The following LPO variants were observed in gnomAD, a reference collection of about 807,000 sequenced individuals.
LPO encodes salivary peroxidase.
In LPO, 70 loss-of-function variants were observed where a neutral mutation model predicts 68.4. The ratio of observed to expected loss-of-function variants is 1.02; its 90% CI spans 0.84 to 1.25. The LOEUF (loss-of-function observed/expected upper bound fraction) is 1.25, where lower values mean the gene tolerates loss of function less well. LPO is among the 50% of genes most tolerant of loss of function. The pLI is 0.00. For missense variants in LPO, 873 were observed against 908.4 expected (o/e 0.96, Z 0.50); for synonymous variants, 360 against 357.6 (o/e 1.01, Z -0.08).
intron 1 of LPO, among the ~76,000 whole-genome samples, chr17:58,240,295 T>G (rs1234455997): frequency 6.6e-6 from 1 of 152,200 alleles, no homozygotes; most frequent in Non-Finnish European, 1.5e-5. Context: ...TGTCTCCAGA[T>G]AGTGCTTCAT....
intron 9 of LPO, 128 bp from the exon 10 acceptor site, chr17:58,264,594 A>G: frequency 1.2e-6 from 1 of 868,956 alleles, no homozygotes; most frequent in Non-Finnish European, 1.9e-6. Context: ...CTGGGCACAT[A>G]TGCTATCCAT....
chr17:58,249,346 C>A, intron 5 of LPO, 169 bp downstream of exon 5: 1 of 892,076 alleles, frequency 1.1e-6, no homozygotes, highest in Non-Finnish European at 1.7e-6. Flanking sequence ...AGCCCTCTCC[C>A]TCCAGCCCAC....
chr17:58,257,686 C>T lies in LPO; in HGVS notation c.1266+2715C>T, dbSNP rs920333135. Among the ~76,000 whole-genome samples, 10 of 152,304 alleles carry T rather than the reference C, an allele frequency of 6.6e-5. 1 individual carries two copies. Among genetic ancestry groups the T allele is most frequent in the African/African-American group, 1.4e-4 (6 of 41,560 alleles). ...GTGAGATTGCTGGATCATATGGCAGCTCAATTTTTAGTTTTCTGAGGAATC... is the reference window on the plus strand; with the variant it reads ...GTGAGATTGCTGGATCATATGGCAGTTCAATTTTTAGTTTTCTGAGGAATC... On this transcript the variant is annotated intron_variant, in intron 9 of 12. Coordinates refer to ENST00000262290, the MANE Select transcript of LPO (RefSeq NM_006151.3).
Position 58,268,058 on chromosome 17 carries a change from C to A in LPO, c.*64C>A. ...GGGCCATTTCAAGCAAGTTCAATGA[C>A]CTGGTCCCTTAGAGCTCCATATCCC... On this transcript the variant is annotated 3_prime_UTR_variant, in exon 13 of 13. Transcript: ENST00000262290. The A allele has an allele frequency of 6.6e-7, 1 of 1,526,500 alleles. No homozygotes were observed. 94.6% of individuals were successfully genotyped at this position (1,526,500 alleles called of 1,614,324 possible). A position where few individuals can be genotyped will look rare whatever the true frequency, so the allele number is the denominator to read the frequency against.
chr17:58,261,894 C>T (rs574894597), intron 9 of LPO, among the ~76,000 whole-genome samples: 23 of 152,168 alleles, frequency 1.5e-4, no homozygotes, highest in Non-Finnish European at 3.1e-4. Flanking sequence ...CTATTGGTGT[C>T]AGTGCTTTAT....
At chr17:58,256,976 T>C (rs913841876) in intron 9 of LPO, among the ~76,000 whole-genome samples, 4 of 149,174 alleles carry the variant, frequency 2.7e-5, no homozygotes, top group Non-Finnish European at 4.4e-5. Flanking sequence ...TGCTATCAAA[T>C]AGTAGGTCTT....
intron 1 of LPO, among the ~76,000 whole-genome samples, chr17:58,239,608 A>G (rs1322640747): frequency 2.0e-5 from 3 of 151,916 alleles, no homozygotes; most frequent in African/African-American, 7.3e-5. Context: ...GCTCTTTACA[A>G]TCATGGAAGA....
chr17:58,253,256 CT>C (rs1388422119), intron 8 of LPO, among the ~76,000 whole-genome samples: 4 of 152,018 alleles, frequency 2.6e-5, no homozygotes, highest in Admixed American at 2.6e-4. Flanking sequence ...ATTAACTGTT[CT>C]TCTATGACGT....
At chr17:58,258,715 C>A (rs1416614797) in intron 9 of LPO, among the ~76,000 whole-genome samples, 1 of 152,190 alleles carries the variant, frequency 6.6e-6, no homozygotes, top group Non-Finnish European at 1.5e-5. Flanking sequence ...TATGCATGAT[C>A]CAATTTCTTA....
At chr17:58,253,022 CA>C (rs765890765) in intron 8 of LPO, among the ~76,000 whole-genome samples, 2,433 of 31,056 alleles carry the variant, frequency 0.078, 12 homozygotes, top group East Asian at 0.18. Flanking sequence ...GACTCCATCT[CA>C]AAAAAAAAAA....
Position 58,247,630 on chromosome 17 carries a change from A to G in LPO, c.317A>G (p.Asn106Ser). The change falls in exon 4 of 13, where the codon AAT becomes AGT. Residue 106 changes from asparagine to serine, a missense_variant. Physicochemically the swap from Asn to Ser is conservative, Grantham distance 46. Coordinates refer to ENST00000262290, the MANE Select transcript of LPO (RefSeq NM_006151.3). ...KRLRQKASLT[N>S]VTDPSLDLTS... Reference sequence around the variant, plus strand: ...CTGAGGCAGAAGGCATCCTTGACCAATGTCACAGGTACAGAAAACCCACCA... The same window carrying G: ...CTGAGGCAGAAGGCATCCTTGACCAGTGTCACAGGTACAGAAAACCCACCA... 1.9e-6 allele frequency: 3 copies of G among 1,613,660 alleles called. No homozygotes were observed. The highest frequency in any genetic ancestry group is 2.5e-6 in the Non-Finnish European group (3 of 1,179,716).
Position 58,250,433 on chromosome 17 carries a change from A to C in LPO, c.592A>C (p.Lys198Gln). 1 of 1,614,090 alleles carries C rather than the reference A, an allele frequency of 6.2e-7. No individual in the cohort carries two copies. Among genetic ancestry groups the C allele is most frequent in the Non-Finnish European group, 8.5e-7 (1 of 1,180,010 alleles). The stretch of plus-strand genomic sequence containing the variant: ...TCTGTAGGCCCGGGAGGTATCTAAC[A>C]AGATTGTTGGCTATCTGAATGAGGA... Reference protein sequence around the residue: ...PLPLAREVSNKIVGYLNEEGV... With the variant: ...PLPLAREVSNQIVGYLNEEGV... The change falls in exon 7 of 13, where the codon AAG (lysine) becomes CAG (glutamine). Residue 198 changes from lysine to glutamine, a missense_variant. Physicochemically the swap from Lys to Gln is moderately conservative, Grantham distance 53 (BLOSUM62 1). Coordinates refer to ENST00000262290, the MANE Select transcript of LPO (RefSeq NM_006151.3).
At chr17:58,259,536 A>C (rs1255791548) in intron 9 of LPO, among the ~76,000 whole-genome samples, 1 of 152,122 alleles carries the variant, frequency 6.6e-6, no homozygotes, top group Non-Finnish European at 1.5e-5. Context: ...TCTTTTTCAA[A>C]ATTGTTTTGG....
chr17:58,264,737 G>A lies in LPO; in HGVS notation c.1282G>A (p.Asp428Asn), dbSNP rs1485424697. ...CTCCCTCCAGATTATCACCTTTAGG[G>A]ACTACCTACCCATTTTGCTAGGTGA... ...GAFVQIITFRDYLPILLGDHM... is the reference protein window; with the variant it reads ...GAFVQIITFRNYLPILLGDHM... Residue 428 changes from aspartate (D) to asparagine (N), a missense_variant, in exon 10 of 13, where the codon GAC (aspartate) becomes AAC (asparagine). By Grantham distance (23) the Asp-to-Asn change is conservative (BLOSUM62 1). Transcript: ENST00000262290. 1 of 1,614,030 alleles carries A rather than the reference G, an allele frequency of 6.2e-7. No homozygotes were observed. Among genetic ancestry groups the A allele is most frequent in the East Asian group, 2.2e-5 (1 of 44,884 alleles).
intron 4 of LPO, 59 bp from the exon 5 acceptor site, chr17:58,249,001 C>A: frequency 7.5e-7 from 1 of 1,330,606 alleles, no homozygotes; most frequent in Non-Finnish European, 1.1e-6. Context: ...TTCCTGCCTC[C>A]CACGGGTGCC....
chr17:58,267,143 A>G (rs1277925772), intron 11 of LPO, among the ~76,000 whole-genome samples: 4 of 152,240 alleles, frequency 2.6e-5, no homozygotes, highest in African/African-American at 9.6e-5. Context: ...AACTTTCATG[A>G]TTGCTTAGTG....
rs1970263695 is a variant in LPO, at chr17:58,266,292, C to T, written c.1659C>T (p.Ile553=). ...TCCATGGCTTTGACCTGGCTGCCAT[C>T]AACACACAGCGTTGCCGGGACCATG... ...HRIHGFDLAA[I]NTQRCRDHGQ... The change falls in exon 11 of 13, where the codon ATC becomes ATT. Residue 553 remains isoleucine (I), a synonymous_variant. Coordinates refer to ENST00000262290, the MANE Select transcript of LPO (RefSeq NM_006151.3). The T allele has an allele frequency of 6.2e-7, 1 of 1,614,036 alleles. No homozygotes were observed. The highest frequency in any genetic ancestry group is 8.5e-7 in the Non-Finnish European group (1 of 1,180,040).
At chr17:58,255,049 C>A in intron 9 of LPO, 78 bp downstream of exon 9, 1 of 1,495,250 alleles carries the variant, frequency 6.7e-7, no homozygotes, top group Non-Finnish European at 9.1e-7. Flanking sequence ...GGCTGCTGTG[C>A]CTCAGGCTCT....
Position 58,243,057 on chromosome 17 carries a change from T to C in LPO, c.76+2T>C. On this transcript the variant is annotated splice_donor_variant, in intron 2 of 12. Transcript: ENST00000262290. LOFTEE classifies it high-confidence loss of function. ...AGGCTGCAGCATCTACCACAAGAGG[T>C]GAGTGTCTCCCTTTACGGGTTTTCT... The C allele has an allele frequency of 6.2e-7, 1 of 1,613,754 alleles. No homozygotes were observed. The highest frequency in any genetic ancestry group is 8.5e-7 in the Non-Finnish European group (1 of 1,179,932).
Sources: gnomAD v4.1 joint callset for allele counts (sites outside exome capture counted in the v4.1 genomes callset) on GRCh38, gnomAD v4.1.1 for gene constraint, MANE v1.5 for transcripts, NCBI Gene and HGNC (gene_info 2026-07-23, HGNC 2026-07-21) for gene names.